Variants in PDZD9 observed in about 807,000 individuals in gnomAD.
PDZD9 encodes the protein PDZ domain containing 9, also known as PDZ domain-containing protein 9.
In PDZD9, 13 loss-of-function variants were observed where a neutral mutation model predicts 16.3. The observed-to-expected ratio is 0.80, with a 90% CI of 0.52 to 1.27. The LOEUF (loss-of-function observed/expected upper bound fraction) is 1.27, where lower values mean the gene tolerates loss of function less well. Among genes scored for constraint, PDZD9 ranks in the 50% most tolerant of loss-of-function variants. The probability of loss-of-function intolerance (pLI) is 0.00; values close to 1 mark genes in which losing one functional copy is unlikely to be tolerated. For missense variants in PDZD9, 288 were observed against 310.9 expected (o/e 0.93, Z 0.55); for synonymous variants, 120 against 111.0 (o/e 1.08, Z -0.51).
chr16:21,975,441 G>A, the PDZD9 span, among the ~76,000 whole-genome samples: 3 of 152,104 alleles, frequency 2.0e-5, no homozygotes, highest in Admixed American at 1.3e-4. Context: ...CAGCTAAAAT[G>A]AAGGGGAAAC....
In PDZD9 at chr16:21,984,531, C is replaced by G. The variant is rs755688067; in HGVS notation, c.531G>C (p.Arg177Ser). 3 of 1,606,478 alleles carry G rather than the reference C, an allele frequency of 1.9e-6. No homozygotes were observed. In the East Asian group the frequency reaches 6.7e-5, roughly 36 times the overall value. ...YPWSTVHHPA[R>S]RPISISRDWH... Reference sequence around the variant, plus strand: ...AGTCTCTGGAGATGGATATTGGTCTCCTTGCAGGGTGATGCACAGTTGACC... The same window carrying G: ...AGTCTCTGGAGATGGATATTGGTCTGCTTGCAGGGTGATGCACAGTTGACC... Residue 177 changes from arginine (R) to serine (S), a missense_variant, in exon 4 of 4, where the codon AGG (arginine) becomes AGC (serine). Arg to Ser is a moderately radical substitution (Grantham distance 110, BLOSUM62 -1). Transcript: ENST00000424898.
chr16:21,959,302 C>A, the PDZD9 span: 2 of 197,984 alleles, frequency 1.0e-5, no homozygotes, highest in South Asian at 6.7e-5. Context: ...TTTTATCAAC[C>A]AAGATTATGT....
chr16:21,959,306 AT>A, the PDZD9 span: 1 of 204,380 alleles, frequency 4.9e-6, no homozygotes, highest in South Asian at 6.2e-5. Context: ...ATCAACCAAG[AT>A]TATGTAATAT....
At chr16:21,968,902 A>G in the PDZD9 span, among the ~76,000 whole-genome samples, 2 of 152,218 alleles carry the variant, frequency 1.3e-5, no homozygotes, top group African/African-American at 2.4e-5. Flanking sequence ...TAAATTCTTT[A>G]CAGTATTTGT....
At chr16:21,975,324 T>TA in the PDZD9 span, among the ~76,000 whole-genome samples, 3 of 152,064 alleles carry the variant, frequency 2.0e-5, no homozygotes, top group East Asian at 5.8e-4. Context: ...AGTGGAAGAA[T>TA]AAGGATAGTG....
At chr16:21,987,146 C>T (rs780461169) in intron 3 of PDZD9, among the ~76,000 whole-genome samples, 1 of 152,136 alleles carries the variant, frequency 6.6e-6, no homozygotes, top group Non-Finnish European at 1.5e-5. Flanking sequence ...TCTGGCCAGG[C>T]TTGGTGGCTC....
chr16:21,974,633 A>G, the PDZD9 span, among the ~76,000 whole-genome samples: 1 of 152,298 alleles, frequency 6.6e-6, no homozygotes, highest in Non-Finnish European at 1.5e-5. Context: ...CAAGTAAGAA[A>G]TGAGAGGTTG....
chr16:21,979,463 A>G (rs1277824807), downstream of PDZD9, among the ~76,000 whole-genome samples: 1 of 152,162 alleles, frequency 6.6e-6, no homozygotes, highest in Admixed American at 6.5e-5. Context: ...TACTACACAC[A>G]TGGGCTCTAT....
chr16:21,988,168 C>T (rs1228754660), intron 3 of PDZD9, among the ~76,000 whole-genome samples: 1 of 151,856 alleles, frequency 6.6e-6, no homozygotes, highest in Non-Finnish European at 1.5e-5. Context: ...CCACCACATC[C>T]AGCTAATTTT....
intron 3 of PDZD9, among the ~76,000 whole-genome samples, chr16:21,986,392 A>G (rs1339677570): frequency 6.6e-6 from 1 of 152,090 alleles, no homozygotes; most frequent in Non-Finnish European, 1.5e-5. Flanking sequence ...CCATCCTTAG[A>G]ATTTAATATT....
intron 2 of PDZD9, among the ~76,000 whole-genome samples, chr16:21,990,488 C>T (rs999160073): frequency 7.2e-5 from 11 of 152,172 alleles, no homozygotes; most frequent in Admixed American, 7.2e-4. Flanking sequence ...CAAATACTTA[C>T]AAGGGTGGAG....
the PDZD9 span, chr16:21,961,225 A>G: frequency 2.9e-6 from 1 of 346,820 alleles, no homozygotes. Flanking sequence ...TTAGGAAAGA[A>G]TCAAGGAATA....
chr16:21,972,952 TG>T, the PDZD9 span, among the ~76,000 whole-genome samples: 1 of 151,970 alleles, frequency 6.6e-6, no homozygotes, highest in South Asian at 2.1e-4. Flanking sequence ...ATACAAAAAT[TG>T]TCTGGGCGTG....
the PDZD9 span, among the ~76,000 whole-genome samples, chr16:21,977,254 TG>T: frequency 6.6e-6 from 1 of 151,954 alleles, no homozygotes; most frequent in Non-Finnish European, 1.5e-5. Flanking sequence ...CTCAGGAGGC[TG>T]AAGAGGGGGG....
At chr16:21,987,654 A>G (rs1898911088) in intron 3 of PDZD9, among the ~76,000 whole-genome samples, 1 of 152,164 alleles carries the variant, frequency 6.6e-6, no homozygotes, top group Non-Finnish European at 1.5e-5. Context: ...CTCAGAAGCC[A>G]AGCAAGATAA....
At chr16:21,995,977 A>C (rs950091667) in intron 2 of PDZD9, among the ~76,000 whole-genome samples, 3 of 152,098 alleles carry the variant, frequency 2.0e-5, no homozygotes, top group African/African-American at 7.2e-5. Flanking sequence ...TTTTTAATAG[A>C]GACAGGGTTT....
downstream of PDZD9, chr16:21,983,307 T>A: frequency 1.5e-6 from 1 of 688,110 alleles, no homozygotes; most frequent in Non-Finnish European, 2.4e-6. Flanking sequence ...TGCAGGTAAT[T>A]ATTCCCAGCT....
the PDZD9 span, among the ~76,000 whole-genome samples, chr16:21,959,950 A>G: frequency 6.6e-6 from 1 of 152,202 alleles, no homozygotes; most frequent in African/African-American, 2.4e-5. Context: ...CAGATGTACT[A>G]TCATCCAGGC....
intron 3 of PDZD9, among the ~76,000 whole-genome samples, chr16:21,987,253 CTA>C (rs1457497326): frequency 2.0e-5 from 3 of 152,048 alleles, no homozygotes; most frequent in Non-Finnish European, 4.4e-5. Flanking sequence ...AACTTCGTCT[CTA>C]TTAAAAATAC....
Sources: gnomAD v4.1 joint callset for allele counts (sites outside exome capture counted in the v4.1 genomes callset) on GRCh38, gnomAD v4.1.1 for gene constraint, MANE v1.5 for transcripts, NCBI Gene and HGNC (gene_info 2026-07-23, HGNC 2026-07-21) for gene names.